The following EIF2AK4 variants were observed in gnomAD, a reference collection of about 807,000 sequenced individuals.
The protein encoded by EIF2AK4 is eukaryotic translation initiation factor 2 alpha kinase 4, also known as eIF-2-alpha kinase GCN2.
In EIF2AK4, 139 loss-of-function variants were observed where a neutral mutation model predicts 211.1. That is an observed-to-expected ratio of 0.66 (90% CI 0.57 to 0.76). The LOEUF is 0.76. EIF2AK4 is among the 30% of genes least tolerant of loss of function. EIF2AK4 has a pLI of 0.00. For synonymous variants in EIF2AK4, 710 were observed against 751.3 expected, an observed-to-expected ratio of 0.94 and a Z score of 0.90; for missense variants, 1,664 against 2,043.8, an observed-to-expected ratio of 0.81 and a Z score of 3.58.
chr15:39,939,464 T>C (rs376416452), intron 1 of EIF2AK4, 41 bp from the exon 2 acceptor site: 28 of 1,453,688 alleles, frequency 1.9e-5, no homozygotes, highest in Non-Finnish European at 1.8e-5. Context: ...TGATTGGCTC[T>C]ACAGCTTTGA....
chr15:39,978,253 TA>T (rs1259310060), intron 13 of EIF2AK4, 106 bp downstream of exon 13: 1 of 511,368 alleles, frequency 2.0e-6, no homozygotes, highest in African/African-American at 2.0e-5. Flanking sequence ...TATTCAGATA[TA>T]GAAACCATAA....
At chr15:39,987,692 C>T (rs996423486) in intron 14 of EIF2AK4, among the ~76,000 whole-genome samples, 1 of 152,068 alleles carries the variant, frequency 6.6e-6, no homozygotes, top group Non-Finnish European at 1.5e-5. Flanking sequence ...ACAACATTCT[C>T]AGTTTTTTAT....
chr15:40,026,618 T>C (rs1392437073), intron 33 of EIF2AK4, among the ~76,000 whole-genome samples: 1 of 152,242 alleles, frequency 6.6e-6, no homozygotes, highest in Non-Finnish European at 1.5e-5. Context: ...TCAACATTTG[T>C]TCTTCATACC....
At position 40,022,614 on chromosome 15, in the gene EIF2AK4, G is replaced by A. The variant is rs768911928; in HGVS notation, c.4389+9G>A. On this transcript the variant is annotated intron_variant, in intron 32 of 38. Coordinates refer to ENST00000263791, the MANE Select transcript of EIF2AK4 (RefSeq NM_001013703.4). Reference sequence around the variant, plus strand: ...AAGGAAGCCATGTCAAGGTAAAGACGTCAGAGATTTTTTACAATTCAATAG... The same window carrying A: ...AAGGAAGCCATGTCAAGGTAAAGACATCAGAGATTTTTTACAATTCAATAG... 11 of 1,613,342 alleles carry A rather than the reference G, an allele frequency of 6.8e-6. No homozygotes were observed. Among genetic ancestry groups the A allele is most frequent in the Admixed American group, 3.3e-5 (2 of 59,998 alleles).
intron 8 of EIF2AK4, 98 bp from the exon 9 acceptor site, chr15:39,967,246 G>C (rs979312132): frequency 4.4e-6 from 6 of 1,354,010 alleles, no homozygotes; most frequent in South Asian, 3.3e-5. Flanking sequence ...GTTTTTTTAT[G>C]CCCCCATCTT....
intron 3 of EIF2AK4, among the ~76,000 whole-genome samples, chr15:39,946,059 C>T (rs2034223591): frequency 6.6e-6 from 1 of 152,176 alleles, no homozygotes; most frequent in African/African-American, 2.4e-5. Flanking sequence ...GTTTTCATGC[C>T]TCTTAACACA....
intron 35 of EIF2AK4, among the ~76,000 whole-genome samples, chr15:40,030,752 C>G (rs1423464695): frequency 2.0e-5 from 3 of 152,018 alleles, no homozygotes; most frequent in Non-Finnish European, 4.4e-5. Context: ...TGTTTGTGCT[C>G]TAAATAGCAA....
At chr15:40,031,973 G>T (rs2035550200) in intron 35 of EIF2AK4, among the ~76,000 whole-genome samples, 196 bp from the exon 36 acceptor site, 2 of 152,180 alleles carry the variant, frequency 1.3e-5, no homozygotes, top group African/African-American at 2.4e-5. Flanking sequence ...TGATCCCCCA[G>T]CCTTGGCCTC....
chr15:39,978,360 A>G (rs2034730518), intron 13 of EIF2AK4: 1 of 291,372 alleles, frequency 3.4e-6, no homozygotes, highest in African/African-American at 2.2e-5. Context: ...ACCTCCTTTT[A>G]GAAGAGAGGA....
At chr15:40,028,554 G>A (rs1372510046) in intron 33 of EIF2AK4, among the ~76,000 whole-genome samples, 1 of 152,088 alleles carries the variant, frequency 6.6e-6, no homozygotes, top group Non-Finnish European at 1.5e-5. Flanking sequence ...CCCCAACAGA[G>A]AATTTTCTGG....
intron 6 of EIF2AK4, among the ~76,000 whole-genome samples, chr15:39,959,136 C>T (rs968355063): frequency 1.3e-5 from 2 of 152,052 alleles, no homozygotes; most frequent in African/African-American, 4.8e-5. Flanking sequence ...TATTGCAAAC[C>T]TCATGAACAT....
chr15:40,016,560 C>A lies in EIF2AK4; in HGVS notation c.3818C>A (p.Thr1273Lys), dbSNP rs762066935. The A allele has an allele frequency of 1.2e-6, 2 of 1,613,984 alleles. No individual in the cohort carries two copies. Among genetic ancestry groups the A allele is most frequent in the Admixed American group, 3.3e-5 (2 of 59,996 alleles). Residue 1273 changes from threonine (T) to lysine (K), a missense_variant, in exon 28 of 39, where the codon ACA (threonine) becomes AAA (lysine). Thr to Lys is a moderately conservative substitution (Grantham distance 78). Transcript: ENST00000263791. The stretch of plus-strand genomic sequence containing the variant: ...GGAGATTTGCAAGATCTTATGCCAA[C>A]AATAAATTCATTAATAAAACAGAAA... ...QKGDLQDLMP[T>K]INSLIKQKTG...
chr15:40,018,607 C>T (rs1253903765), intron 29 of EIF2AK4, among the ~76,000 whole-genome samples: 1 of 152,106 alleles, frequency 6.6e-6, no homozygotes, highest in Non-Finnish European at 1.5e-5. Context: ...CGGGTGTGAG[C>T]CACCACACCT....
chr15:40,034,459 G>A lies in EIF2AK4; in HGVS notation c.4892+15G>A, dbSNP rs778311562. 30 of 1,585,922 alleles carry A rather than the reference G, an allele frequency of 1.9e-5. 1 individual carries two copies. The South Asian group carries it at 3.2e-4, about 17-fold the overall frequency. ...GTAGAAAAAAAGTAAGTTATCACTT[G>A]GGCATAGCAGGGTTCACATGGTTAA... On this transcript the variant is annotated intron_variant, in intron 38 of 38. Transcript: ENST00000263791.
At chr15:40,011,417 T>G in intron 27 of EIF2AK4, 71 bp downstream of exon 27, 2 of 1,393,468 alleles carry the variant, frequency 1.4e-6, no homozygotes, top group Admixed American at 3.9e-5. Context: ...GTCATCAAAT[T>G]CTCGTTGCAG....
At chr15:39,943,278 A>T in intron 2 of EIF2AK4, 105 bp from the exon 3 acceptor site, 1 of 813,238 alleles carries the variant, frequency 1.2e-6, no homozygotes, top group Non-Finnish European at 1.8e-6. Flanking sequence ...CTTTGAGATT[A>T]AGGGCCTTGG....
At chr15:40,006,944 T>C in intron 23 of EIF2AK4, 72 bp from the exon 24 acceptor site, 3 of 1,175,470 alleles carry the variant, frequency 2.6e-6, no homozygotes, top group South Asian at 2.6e-5. Context: ...ACAGGAGTTA[T>C]GTTTCAATAA....
intron 1 of EIF2AK4, among the ~76,000 whole-genome samples, chr15:39,937,300 G>A (rs1369029101): frequency 1.3e-5 from 2 of 151,854 alleles, no homozygotes; most frequent in African/African-American, 4.8e-5. Flanking sequence ...TTTCATCTTT[G>A]CCACATAAAT....
intron 1 of EIF2AK4, among the ~76,000 whole-genome samples, chr15:39,937,495 A>T (rs1489483893): frequency 6.6e-6 from 1 of 151,700 alleles, no homozygotes; most frequent in Non-Finnish European, 1.5e-5. Flanking sequence ...TTTGGGTCAT[A>T]TAATGCATAT....
Sources: allele counts gnomAD v4.1 joint callset (sites outside exome capture counted in the v4.1 genomes callset), GRCh38; gene constraint gnomAD v4.1.1; transcripts MANE v1.5; gene names NCBI Gene and HGNC (gene_info 2026-07-23, HGNC 2026-07-21).